Variants in AGPS observed in about 807,000 individuals in gnomAD.
The protein encoded by AGPS is alkyldihydroxyacetonephosphate synthase, peroxisomal.
Under a neutral mutation model 90.7 loss-of-function variants are expected in AGPS, and 26 were observed. The ratio of observed to expected loss-of-function variants is 0.29; its 90% CI spans 0.21 to 0.40. The LOEUF is 0.40. AGPS is among the 10% of genes least tolerant of loss of function. The probability of loss-of-function intolerance (pLI) is 1.00; values close to 1 mark genes in which losing one functional copy is unlikely to be tolerated. For missense variants in AGPS, 540 were observed against 816.1 expected (o/e 0.66, Z 4.12); for synonymous variants, 294 against 285.3 (o/e 1.03, Z -0.31).
intron 9 of AGPS, among the ~76,000 whole-genome samples, chr2:177,466,420 G>A (rs577672127): frequency 1.1e-4 from 16 of 152,346 alleles, no homozygotes; most frequent in African/African-American, 3.8e-4. Flanking sequence ...GGAACTGGCA[G>A]CCCAGCCCCC....
intron 11 of AGPS, among the ~76,000 whole-genome samples, chr2:177,489,488 A>C (rs1259004498): frequency 6.6e-6 from 1 of 152,228 alleles, no homozygotes; most frequent in Non-Finnish European, 1.5e-5. Context: ...AGTTTTTACT[A>C]TTCAGATTAT....
chr2:177,484,657 T>C (rs1688044211), intron 11 of AGPS, among the ~76,000 whole-genome samples: 1 of 152,154 alleles, frequency 6.6e-6, no homozygotes, highest in South Asian at 2.1e-4. Flanking sequence ...CAAAAAGTGT[T>C]ATTAAAGAAT....
At chr2:177,536,489 A>G (rs2079185250) in intron 19 of AGPS, among the ~76,000 whole-genome samples, 1 of 152,102 alleles carries the variant, frequency 6.6e-6, no homozygotes, top group African/African-American at 2.4e-5. Flanking sequence ...AAATCATAGA[A>G]TATTAGAGTT....
chr2:177,499,802 T>A, intron 14 of AGPS, 72 bp downstream of exon 14: 1 of 999,070 alleles, frequency 1.0e-6, no homozygotes, highest in Non-Finnish European at 1.6e-6. Flanking sequence ...AAGCAATTAT[T>A]AAAGTACTAG....
At chr2:177,442,828 C>CAAAAAAAAA in intron 7 of AGPS, among the ~76,000 whole-genome samples, 1 of 99,410 alleles carries the variant, frequency 1.0e-5, no homozygotes. Context: ...GCCTGGGTGA[C>CAAAAAAAAA]AAAAAAAAAA....
chr2:177,538,085 C>T lies in AGPS; in HGVS notation c.1867C>T (p.Arg623Trp). 2 of 1,612,988 alleles carry T rather than the reference C, an allele frequency of 1.2e-6. No homozygotes were observed. The highest frequency in any genetic ancestry group is 1.7e-6 in the Non-Finnish European group (2 of 1,179,232). Residue 623 changes from arginine (R) to tryptophan (W), a missense_variant, in exon 20 of 20, where the codon CGG becomes TGG. Arg to Trp is a moderately radical substitution (Grantham distance 101). This residue lies in a region of AGPS where 405 missense variants were observed against 692.1 expected (regional missense o/e 0.59). Coordinates refer to ENST00000264167, the MANE Select transcript of AGPS (RefSeq NM_003659.4). ...LSHHHGVGKL[R>W]KQWLKESISD... is the part of the protein sequence containing the mutation. ...TTTTGTTTTTCCAGTGGGCAAGTTA[C>T]GGAAGCAATGGCTAAAGGAAAGTAT... is the stretch of plus-strand genomic sequence containing the variant.
intron 1 of AGPS, among the ~76,000 whole-genome samples, chr2:177,414,897 C>CGTGTGTGTGTGTGTGTGTGTGTGT (rs397986794): frequency 5.3e-4 from 77 of 146,310 alleles, no homozygotes; most frequent in African/African-American, 1.8e-3. Context: ...TATGAAGGTT[C>CGTGTGTGTGTGTGTGTGTGTGTGT]GTGTGTGTGT....
At chr2:177,463,364 C>A (rs963245269) in intron 9 of AGPS, among the ~76,000 whole-genome samples, 19 of 152,110 alleles carry the variant, frequency 1.2e-4, no homozygotes, top group Non-Finnish European at 2.4e-4. Flanking sequence ...AACTCAAAAT[C>A]TCTGGTGTGT....
At chr2:177,512,048 A>T (rs753303605) in intron 16 of AGPS, among the ~76,000 whole-genome samples, 4 of 152,198 alleles carry the variant, frequency 2.6e-5, no homozygotes, top group Non-Finnish European at 4.4e-5. Context: ...TAGACTACTT[A>T]GCTGTAGCAC....
chr2:177,394,021 A>G (rs1223613784), intron 1 of AGPS, among the ~76,000 whole-genome samples: 2 of 152,228 alleles, frequency 1.3e-5, no homozygotes, highest in African/African-American at 4.8e-5. Flanking sequence ...ACAGATGAAT[A>G]AATTAAGTCT....
chr2:177,482,084 T>C lies in AGPS; in HGVS notation c.1131T>C (p.Ala377=), dbSNP rs1559066364. Reference sequence around the variant, plus strand: ...GAACTCTTGGTGTAATAACAGAAGCTACAATAAAAATCAGACCAGTCCCTG... The same window carrying C: ...GAACTCTTGGTGTAATAACAGAAGCCACAATAAAAATCAGACCAGTCCCTG... The part of the protein sequence containing the change: ...SEGTLGVITE[A]TIKIRPVPEY... Residue 377 remains alanine, a synonymous_variant, in exon 11 of 20, where the codon GCT becomes GCC. Transcript: ENST00000264167. 6.2e-7 allele frequency: 1 copy of C among 1,604,270 alleles called. No individual in the cohort carries two copies. The highest frequency in any genetic ancestry group is 8.5e-7 in the Non-Finnish European group (1 of 1,173,532).
intron 12 of AGPS, among the ~76,000 whole-genome samples, chr2:177,497,356 AG>A (rs1336252869): frequency 6.6e-6 from 1 of 151,922 alleles, no homozygotes; most frequent in Admixed American, 6.6e-5. Context: ...AAATTAATGA[AG>A]TAATTTTATT....
chr2:177,442,950 T>A (rs1398793234), intron 7 of AGPS, among the ~76,000 whole-genome samples: 1 of 152,162 alleles, frequency 6.6e-6, no homozygotes, highest in Non-Finnish European at 1.5e-5. Context: ...CAGGTATATA[T>A]GTTGATGGCT....
Position 177,482,085 on chromosome 2 carries a change from A to G in AGPS, c.1132A>G (p.Thr378Ala). 1.2e-6 allele frequency: 2 copies of G among 1,604,490 alleles called. No individual in the cohort carries two copies. Among genetic ancestry groups the G allele is most frequent in the Non-Finnish European group, 1.7e-6 (2 of 1,173,678 alleles). ...AACTCTTGGTGTAATAACAGAAGCT[A>G]CAATAAAAATCAGACCAGTCCCTGA... is the stretch of plus-strand genomic sequence containing the variant. ...EGTLGVITEA[T>A]IKIRPVPEYQ... Residue 378 changes from threonine to alanine, a missense_variant, in exon 11 of 20, where the codon ACA (threonine) becomes GCA (alanine). Around this residue, in one of 2 missense-constraint regions of AGPS, gnomAD observed 405 missense variants for 692.1 expected, o/e 0.59. Coordinates refer to ENST00000264167, the MANE Select transcript of AGPS (RefSeq NM_003659.4).
chr2:177,397,327 C>T (rs550726895), intron 1 of AGPS, among the ~76,000 whole-genome samples: 6 of 152,246 alleles, frequency 3.9e-5, no homozygotes, highest in Admixed American at 6.5e-5. Flanking sequence ...CTTGGATCCT[C>T]CCTTTTTCCT....
At chr2:177,498,136 G>A (rs79976563) in intron 13 of AGPS, among the ~76,000 whole-genome samples, 3,245 of 151,606 alleles carry the variant, frequency 0.021, 76 homozygotes, top group South Asian at 0.055. Context: ...TATAATACAT[G>A]TGTGCCTTCT....
chr2:177,448,209 C>T (rs1460074746), intron 8 of AGPS, among the ~76,000 whole-genome samples: 1 of 152,150 alleles, frequency 6.6e-6, no homozygotes, highest in East Asian at 1.9e-4. Context: ...GCAAGTTACT[C>T]ACCTTTAAGC....
Position 177,499,675 on chromosome 2 carries a change from C to T in AGPS, c.1420C>T (p.Arg474Cys). The change falls in exon 14 of 20, where the codon CGT becomes TGT. Residue 474 changes from arginine (R) to cysteine (C), a missense_variant. Physicochemically the swap from Arg to Cys is radical, Grantham distance 180. This residue lies in a region of AGPS where 405 missense variants were observed against 692.1 expected (regional missense o/e 0.59). Coordinates refer to ENST00000264167, the MANE Select transcript of AGPS (RefSeq NM_003659.4). ...AGCCACATTACTGTTTGAGGGGGAT[C>T]GTGAGAAGGTTCTTCAACATGAAAA... ...SVATLLFEGD[R>C]EKVLQHEKQV... is the part of the protein sequence containing the mutation. 1.2e-6 allele frequency: 2 copies of T among 1,611,654 alleles called. No individual in the cohort carries two copies. The highest frequency in any genetic ancestry group is 1.3e-5 in the African/African-American group (1 of 74,782).
chr2:177,478,049 A>C (rs1408374549), intron 10 of AGPS, among the ~76,000 whole-genome samples: 1 of 152,144 alleles, frequency 6.6e-6, no homozygotes, highest in African/African-American at 2.4e-5. Flanking sequence ...CCAGCAGTGA[A>C]GTCCTCTCAG....
Sources: gnomAD v4.1 joint callset for allele counts (sites outside exome capture counted in the v4.1 genomes callset) on GRCh38, gnomAD v4.1.1 for gene constraint, gnomAD v4.1.1 regional missense constraint, MANE v1.5 for transcripts, NCBI Gene and HGNC (gene_info 2026-07-23, HGNC 2026-07-21) for gene names.